KMT2A: variants seen among roughly 807,000 people sequenced by gnomAD.
The protein encoded by KMT2A is histone-lysine N-methyltransferase 2A.
A neutral mutation model predicts 345.3 loss-of-function variants in KMT2A; 16 were observed. The ratio of observed to expected loss-of-function variants is 0.05; its 90% CI spans 0.03 to 0.07. KMT2A has a LOEUF of 0.07. Ranked by LOEUF, KMT2A falls within the 10% of genes least tolerant of loss-of-function variation. The pLI is 1.00. For missense variants in KMT2A, 3,272 were observed against 4,841.6 expected, an observed-to-expected ratio of 0.68 and a Z score of 9.62; for synonymous variants, 1,599 against 1,778.6, an observed-to-expected ratio of 0.90 and a Z score of 2.54.
chr11:118,482,795 G>T (rs532343313), intron 8 of KMT2A, among the ~76,000 whole-genome samples: 35 of 151,994 alleles, frequency 2.3e-4, no homozygotes, highest in African/African-American at 8.0e-4. Flanking sequence ...AGCCAGGCAT[G>T]GTGGCAGTTG....
At position 118,472,682 on chromosome 11, in the gene KMT2A, A is replaced by G. The variant is rs1949964156; in HGVS notation, c.1523A>G (p.Glu508Gly). ...CCTGAGGAGCGGAGCGATACCCCTGAAGTTCATCCTCCACTGCCCATTTCC... is the reference window on the plus strand; with the variant it reads ...CCTGAGGAGCGGAGCGATACCCCTGGAGTTCATCCTCCACTGCCCATTTCC... ...VLPEERSDTP[E>G]VHPPLPISQS... is the part of the protein sequence containing the mutation. Residue 508 changes from glutamate to glycine, a missense_variant, in exon 3 of 36, where the codon GAA becomes GGA. Physicochemically the swap from Glu to Gly is moderately conservative, Grantham distance 98 (BLOSUM62 -2). Coordinates refer to ENST00000534358, the MANE Select transcript of KMT2A (RefSeq NM_001197104.2). The G allele has an allele frequency of 1.2e-6, 2 of 1,613,256 alleles. No homozygotes were observed. The highest frequency in any genetic ancestry group is 1.7e-6 in the Non-Finnish European group (2 of 1,179,880).
intron 1 of KMT2A, among the ~76,000 whole-genome samples, chr11:118,461,573 T>C (rs554686952): frequency 2.0e-5 from 3 of 152,310 alleles, no homozygotes; most frequent in Admixed American, 2.0e-4. Context: ...TATACTGTCT[T>C]GGAATGCTGT....
At chr11:118,489,252 A>AC (rs1950286305) in intron 11 of KMT2A, among the ~76,000 whole-genome samples, 1 of 150,308 alleles carries the variant, frequency 6.7e-6, no homozygotes, top group Non-Finnish European at 1.5e-5. Context: ...AAAAAAAAAA[A>AC]CTATATGGGA....
In KMT2A at chr11:118,520,556, C is replaced by T; in HGVS notation, c.11430-246C>T. ...GTCCCACCTACTCAGCAGGCTGAGGCAAGAGAATCGCTTGAACCCAGGAGG... is the reference window on the plus strand; with the variant it reads ...GTCCCACCTACTCAGCAGGCTGAGGTAAGAGAATCGCTTGAACCCAGGAGG... On this transcript the variant is annotated intron_variant, in intron 33 of 35. Transcript: ENST00000534358. This position sits in a 1 kb window ranked among gnomAD's most constrained non-coding sequence, Gnocchi z 4.3. The T allele has an allele frequency of 2.0e-6, 1 of 496,484 alleles. No homozygotes were observed. Among genetic ancestry groups the T allele is most frequent in the Non-Finnish European group, 3.6e-6 (1 of 274,560 alleles). 30.8% of individuals were successfully genotyped at this position (496,484 alleles called of 1,614,324 possible). A position where few individuals can be genotyped will look rare whatever the true frequency, so the allele number is the denominator to read the frequency against.
intron 8 of KMT2A, among the ~76,000 whole-genome samples, chr11:118,482,753 A>C (rs1204952422): frequency 2.9e-5 from 3 of 102,588 alleles, no homozygotes; most frequent in African/African-American, 7.6e-5. Context: ...TTATTTAAAC[A>C]AAAAAAAAAA....
chr11:118,454,384 G>T (rs1237810156), intron 1 of KMT2A, among the ~76,000 whole-genome samples: 1 of 152,192 alleles, frequency 6.6e-6, no homozygotes, highest in Non-Finnish European at 1.5e-5. Context: ...TGCTGTGCCT[G>T]TTGCTGTCTT....
rs1228996646 is a variant in KMT2A at position 118,473,904 on chromosome 11, G to A, written c.2745G>A (p.Lys915=). 3 of 1,614,082 alleles carry A rather than the reference G, an allele frequency of 1.9e-6. No homozygotes were observed. The highest frequency in any genetic ancestry group is 3.3e-5 in the Admixed American group (2 of 60,006). ...CTGTGGGTAGGGTTTCCAAAGAGAAGGTTGTTGGTGAAGATGTTGCCACTT... is the reference window on the plus strand; with the variant it reads ...CTGTGGGTAGGGTTTCCAAAGAGAAAGTTGTTGGTGAAGATGTTGCCACTT... ...LYPVGRVSKE[K]VVGEDVATSS... The change falls in exon 3 of 36, where the codon AAG becomes AAA. Residue 915 remains lysine (K), a synonymous_variant. Coordinates refer to ENST00000534358, the MANE Select transcript of KMT2A (RefSeq NM_001197104.2). This position sits in a 1 kb window ranked among gnomAD's most constrained non-coding sequence, Gnocchi z 5.2.
intron 1 of KMT2A, among the ~76,000 whole-genome samples, chr11:118,455,216 T>A (rs1023290214): frequency 1.3e-5 from 2 of 152,144 alleles, no homozygotes; most frequent in Admixed American, 6.5e-5. Flanking sequence ...TTATTTGTTA[T>A]ATGTTTATTT....
At position 118,474,087 on chromosome 11, in the gene KMT2A, C is replaced by T. The variant is rs1555036818; in HGVS notation, c.2928C>T (p.Leu976=). 3.1e-6 allele frequency: 5 copies of T among 1,614,062 alleles called. No individual in the cohort carries two copies. Among genetic ancestry groups the T allele is most frequent in the East Asian group, 2.2e-5 (1 of 44,876 alleles). ...RGNLEKTNLD[L]GPTAPSLEKE... is the part of the protein sequence containing the mutation. ...ATCTGGAAAAAACCAACTTGGACCT[C>T]GGCCCAACTGCCCCATCCCTGGAGA... Residue 976 remains leucine, a synonymous_variant, in exon 3 of 36, where the codon CTC becomes CTT. Transcript: ENST00000534358.
rs1275159840 is a variant in KMT2A, at chr11:118,436,639, G to T, written c.127G>T (p.Gly43Trp). 9.1e-7 allele frequency: 1 copy of T among 1,097,604 alleles called. No homozygotes were observed. The allele number at this position is 1,097,604 out of a possible 1,614,324, so 68.0% of individuals were successfully genotyped here. A position where few individuals can be genotyped will look rare whatever the true frequency, so the allele number is the denominator to read the frequency against. ...CGTCCCGGCCCTGCTGCTTCCCCCC[G>T]GGCCCCCGGTCGGCGGTGGCGGCCC... ...QRVPALLLPP[G>W]PPVGGGGPGA... Residue 43 changes from glycine (G) to tryptophan (W), a missense_variant, in exon 1 of 36, where the codon GGG becomes TGG. Physicochemically the swap from Gly to Trp is radical, Grantham distance 184. This residue lies in a region of KMT2A where 412 missense variants were observed against 511.0 expected (regional missense o/e 0.81). Transcript: ENST00000534358. This position sits in a 1 kb window ranked among gnomAD's most constrained non-coding sequence, Gnocchi z 6.9.
intron 3 of KMT2A, 114 bp downstream of exon 3, chr11:118,474,429 G>C: frequency 7.6e-7 from 1 of 1,313,736 alleles, no homozygotes; most frequent in Non-Finnish European, 1.0e-6. Context: ...AGAAAAGTAT[G>C]GTGGAGGCAG....
chr11:118,473,073 C>T lies in KMT2A; in HGVS notation c.1914C>T (p.Ala638=), dbSNP rs782768829. ...AATACTTTTCCTCAGCAAAGTATGC[C>T]AAAGAAGGTCTTATTCGCAAACCAA... The part of the protein sequence containing the change: ...EPQYFSSAKY[A]KEGLIRKPIF... Residue 638 remains alanine, a synonymous_variant, in exon 3 of 36, where the codon GCC becomes GCT. Transcript: ENST00000534358. This position sits in a 1 kb window ranked among gnomAD's most constrained non-coding sequence, Gnocchi z 5.2. The T allele has an allele frequency of 6.2e-7, 1 of 1,614,110 alleles. No individual in the cohort carries two copies. Among genetic ancestry groups the T allele is most frequent in the Admixed American group, 1.7e-5 (1 of 60,016 alleles).
rs1303118153 is a variant in KMT2A, at chr11:118,493,704, TTTTA to T, written c.5178+494_5178+497del. 8.5e-5 allele frequency among the ~76,000 whole-genome samples: 13 copies of T among 152,158 alleles called. No individual in the cohort carries two copies. The highest frequency in any genetic ancestry group is 5.8e-4 in the East Asian group (3 of 5,180). On this transcript the variant is annotated intron_variant, in intron 16 of 35. Transcript: ENST00000534358. The surrounding 1 kb of genome is among the most constrained non-coding windows in gnomAD (Gnocchi z 5.8). ...CTATATTTGCGATTCTGTTGTTTAT[TTTTA>T]TTTATTTATTTATTTATTTGAGATG...
intron 1 of KMT2A, chr11:118,447,801 AGCGGTTT>A: frequency 4.1e-6 from 1 of 244,122 alleles, no homozygotes; most frequent in Admixed American, 5.2e-5. Context: ...AATGGTAACC[AGCGGTTT>A]CCCAGCTCCA....
Position 118,482,091 on chromosome 11 carries a change from A to T in KMT2A, c.4011A>T (p.Ser1337=). The T allele has an allele frequency of 6.3e-7, 1 of 1,599,110 alleles. No individual in the cohort carries two copies. Among genetic ancestry groups the T allele is most frequent in the Non-Finnish European group, 8.5e-7 (1 of 1,174,626 alleles). Residue 1337 remains serine (S), a splice_region_variant and synonymous_variant, in exon 7 of 36, where the codon TCA becomes TCT. Coordinates refer to ENST00000534358, the MANE Select transcript of KMT2A (RefSeq NM_001197104.2). ...AAAAGCAGCCTCCACCACCAGAATC[A>T]GGTGAGTGAGGAGGGCAAGAAGGAA... The part of the protein sequence containing the change: ...PKKKQPPPPE[S]GPEQSKQKKV...
At chr11:118,512,050 C>G in intron 31 of KMT2A, 25 bp downstream of exon 31, 3 of 1,592,626 alleles carry the variant, frequency 1.9e-6, no homozygotes, top group Non-Finnish European at 2.6e-6. Context: ...TGTTATTCCA[C>G]TCCTGTCTCA....
chr11:118,437,104 T>C (rs1949202705), intron 1 of KMT2A, among the ~76,000 whole-genome samples, 160 bp downstream of exon 1: 1 of 149,662 alleles, frequency 6.7e-6, no homozygotes, highest in African/African-American at 2.5e-5. Context: ...CATGCAGGGC[T>C]GCAGACCCCC....
At chr11:118,466,738 C>G (rs1313864885) in intron 1 of KMT2A, among the ~76,000 whole-genome samples, 1 of 151,966 alleles carries the variant, frequency 6.6e-6, no homozygotes, top group Non-Finnish European at 1.5e-5. Flanking sequence ...TCTCTTGAAC[C>G]TGGGAGGCTG....
rs1555046606 is a variant in KMT2A, at chr11:118,503,374, C to T, written c.7482C>T (p.Gly2494=). Residue 2494 remains glycine, a synonymous_variant, in exon 27 of 36, where the codon GGC becomes GGT. Coordinates refer to ENST00000534358, the MANE Select transcript of KMT2A (RefSeq NM_001197104.2). This position sits in a 1 kb window ranked among gnomAD's most constrained non-coding sequence, Gnocchi z 5.3. ...NVSSDKIGDK[G]LSMPGVPKAP... is the part of the protein sequence containing the mutation. ...CTTCTGATAAGATTGGTGATAAAGG[C>T]CTTTCTATGCCAGGAGTCCCCAAAG... The T allele has an allele frequency of 1.9e-6, 3 of 1,614,026 alleles. No individual in the cohort carries two copies. The South Asian group carries it at 3.3e-5, about 18-fold the overall frequency.
Sources: allele counts gnomAD v4.1 joint callset (sites outside exome capture counted in the v4.1 genomes callset), GRCh38; gene constraint gnomAD v4.1.1; regional missense constraint gnomAD v4.1.1; non-coding constraint Gnocchi (gnomAD v3.1); transcripts MANE v1.5; gene names NCBI Gene and HGNC (gene_info 2026-07-23, HGNC 2026-07-21).